Variants in E2F6 observed in about 807,000 individuals in gnomAD.
E2F6 encodes the protein E2F transcription factor 6.
E2F6 carries 19 observed loss-of-function variants against 31.5 expected under a neutral mutation model. The observed-to-expected ratio is 0.60, with a 90% CI of 0.42 to 0.89. The LOEUF is 0.89. E2F6 is among the 40% of genes least tolerant of loss of function. E2F6 has a pLI of 0.00. For synonymous variants in E2F6, 121 were observed against 127.7 expected, an observed-to-expected ratio of 0.95 and a Z score of 0.36; for missense variants, 269 against 341.6, an observed-to-expected ratio of 0.79 and a Z score of 1.67.
chr2:11,447,069 C>T (rs1242675916), intron 6 of E2F6, among the ~76,000 whole-genome samples: 2 of 152,174 alleles, frequency 1.3e-5, no homozygotes, highest in Non-Finnish European at 2.9e-5. Flanking sequence ...GATGCTGGTC[C>T]CCTGCTCAGG....
chr2:11,463,589 A>G (rs960078278), intron 1 of E2F6, among the ~76,000 whole-genome samples: 1 of 152,198 alleles, frequency 6.6e-6, no homozygotes, highest in Non-Finnish European at 1.5e-5. Context: ...TGGTAACAGA[A>G]GTCATGGGAG....
chr2:11,464,517 C>CAAAA lies in E2F6; in HGVS notation c.108+1251_108+1254dup, dbSNP rs559562627. 4.0e-3 allele frequency among the ~76,000 whole-genome samples: 178 copies of CAAAA among 44,656 alleles called. 15 individuals carry two copies. The highest frequency in any genetic ancestry group is 0.017 in the African/African-American group (165 of 9,992). The allele number at this position is 44,656 out of a possible 152,430, so 29.3% of individuals were successfully genotyped here. On this transcript the variant is annotated intron_variant, in intron 1 of 6. Transcript: ENST00000381525. ...GGGTGACAGAGCAAGACTTCGTCAC[C>CAAAA]AAAAAAAAAAAAAAAAAAAAAAAGT...
Position 11,466,092 on chromosome 2 carries a change from GAAA to G in E2F6, c.-216_-214del. The G allele has an allele frequency of 2.0e-6, 1 of 510,708 alleles. No homozygotes were observed. Among genetic ancestry groups the G allele is most frequent in the Non-Finnish European group, 3.4e-6 (1 of 292,920 alleles). 31.6% of individuals were successfully genotyped at this position (510,708 alleles called of 1,614,324 possible). A position where few individuals can be genotyped will look rare whatever the true frequency, so the allele number is the denominator to read the frequency against. On this transcript the variant is annotated 5_prime_UTR_variant, in exon 1 of 7. Coordinates refer to ENST00000381525, the MANE Select transcript of E2F6 (RefSeq NM_198256.4). ...TGCCCGGGAGCTCCCGACGCAGACGGAAAAAGAGGAGGGAGACCCGCGGATCTC... is the reference window on the plus strand; with the variant it reads ...TGCCCGGGAGCTCCCGACGCAGACGGAAGAGGAGGGAGACCCGCGGATCTC...
At position 11,453,565 on chromosome 2, in the gene E2F6, G is replaced by A. The variant is rs779628003; in HGVS notation, c.380+17C>T. The A allele has an allele frequency of 1.3e-5, 21 of 1,611,484 alleles. No individual in the cohort carries two copies. Among genetic ancestry groups the A allele is most frequent in the Middle Eastern group, 3.5e-4 (2 of 5,700 alleles). On this transcript the variant is annotated intron_variant, in intron 3 of 6. Coordinates refer to ENST00000381525, the MANE Select transcript of E2F6 (RefSeq NM_198256.4). ...GAGAAGGAACAAAAGCCACGAAAAA[G>A]TTTGAAAGCAACTCACATCCATCTA...
intron 1 of E2F6, among the ~76,000 whole-genome samples, chr2:11,460,007 GCT>G (rs1671674054): frequency 6.6e-6 from 1 of 152,174 alleles, no homozygotes; most frequent in Admixed American, 6.5e-5. Context: ...AGAGTATACA[GCT>G]CTCTAGGAAC....
intron 2 of E2F6, 95 bp from the exon 3 acceptor site, chr2:11,453,893 C>A: frequency 9.1e-7 from 1 of 1,102,190 alleles, no homozygotes; most frequent in Non-Finnish European, 1.3e-6. Flanking sequence ...AGATAGCAGA[C>A]ATCTACAGAA....
chr2:11,459,854 A>G (rs1671658274), intron 1 of E2F6, among the ~76,000 whole-genome samples: 1 of 151,976 alleles, frequency 6.6e-6, no homozygotes, highest in Admixed American at 6.6e-5. Context: ...ATTGCACTCC[A>G]GCCCAGATGA....
intron 1 of E2F6, among the ~76,000 whole-genome samples, chr2:11,461,497 G>T (rs763608291): frequency 6.6e-6 from 1 of 151,900 alleles, no homozygotes; most frequent in Non-Finnish European, 1.5e-5. Context: ...GATTACAGGC[G>T]CACGTCACCA....
intron 1 of E2F6, chr2:11,458,322 C>T (rs1349264782): frequency 6.4e-7 from 1 of 1,551,704 alleles, no homozygotes. Context: ...TGAGCCTAGC[C>T]CAGCAAGCCA....
chr2:11,463,930 CAG>C (rs1491328574), intron 1 of E2F6, among the ~76,000 whole-genome samples: 2 of 117,470 alleles, frequency 1.7e-5, no homozygotes, highest in African/African-American at 3.1e-5. Context: ...GCCAGGGTGA[CAG>C]AGTGAGATCC....
chr2:11,454,573 A>T (rs1466472858), intron 2 of E2F6, among the ~76,000 whole-genome samples: 1 of 151,956 alleles, frequency 6.6e-6, no homozygotes, highest in Non-Finnish European at 1.5e-5. Context: ...TCTTGAATTC[A>T]TTCCTGACCC....
chr2:11,445,830 C>T lies in E2F6; in HGVS notation c.*647G>A, dbSNP rs1670680284. ...AATCCACAAACATAAATGTGTAGCA[C>T]ATTTATGATACTTCTACATGTAGAA... On this transcript the variant is annotated 3_prime_UTR_variant, in exon 7 of 7. Transcript: ENST00000381525. 6.6e-6 allele frequency: 1 copy of T among 150,864 alleles called. No individual in the cohort carries two copies. The highest frequency in any genetic ancestry group is 1.5e-5 in the Non-Finnish European group (1 of 67,830). The allele number at this position is 150,864 out of a possible 1,614,324, so 9.3% of individuals were successfully genotyped here. A position where few individuals can be genotyped will look rare whatever the true frequency, so the allele number is the denominator to read the frequency against.
At chr2:11,456,769 T>C (rs1671430184) in intron 2 of E2F6, among the ~76,000 whole-genome samples, 2 of 152,150 alleles carry the variant, frequency 1.3e-5, no homozygotes, top group African/African-American at 4.8e-5. Flanking sequence ...CACTGACTTA[T>C]CGATGCACTA....
chr2:11,446,567 C>G lies in E2F6; in HGVS notation c.800-44G>C, dbSNP rs566983632. 19 of 1,545,122 alleles carry G rather than the reference C, an allele frequency of 1.2e-5. No homozygotes were observed. The South Asian group carries it at 1.9e-4, about 16-fold the overall frequency. The stretch of plus-strand genomic sequence containing the variant: ...GAGAAATACACCTAAGTGAATACAC[C>G]TAAGTGAAGGTCTGATAGGCAAATA... On this transcript the variant is annotated intron_variant, in intron 6 of 6. Coordinates refer to ENST00000381525, the MANE Select transcript of E2F6 (RefSeq NM_198256.4).
At chr2:11,453,561 A>G (rs779240762) in intron 3 of E2F6, 21 bp downstream of exon 3, 1 of 1,611,314 alleles carries the variant, frequency 6.2e-7, no homozygotes, top group Middle Eastern at 1.8e-4. Context: ...AAAGCCACGA[A>G]AAAGTTTGAA....
intron 1 of E2F6, among the ~76,000 whole-genome samples, chr2:11,464,394 G>A (rs1438894299): frequency 1.3e-5 from 2 of 151,770 alleles, no homozygotes; most frequent in African/African-American, 4.8e-5. Flanking sequence ...GCGGGTGCCT[G>A]TAGTCCCAGC....
At chr2:11,464,500 G>T (rs889099987) in intron 1 of E2F6, among the ~76,000 whole-genome samples, 1 of 126,614 alleles carries the variant, frequency 7.9e-6, no homozygotes, top group Admixed American at 9.1e-5. Context: ...CTGGGTGACA[G>T]AGCAAGACTT....
intron 6 of E2F6, among the ~76,000 whole-genome samples, chr2:11,446,812 C>T (rs576745252): frequency 5.6e-4 from 85 of 152,304 alleles, no homozygotes; most frequent in African/African-American, 1.9e-3. Flanking sequence ...CTCCCCCAGT[C>T]TTCGTAATCC....
At chr2:11,456,450 G>A (rs555872064) in intron 2 of E2F6, among the ~76,000 whole-genome samples, 112 of 152,270 alleles carry the variant, frequency 7.4e-4, no homozygotes, top group Admixed American at 1.2e-3. Flanking sequence ...GGGCTCTTGC[G>A]TCAGAGAGGT....
Sources: allele counts gnomAD v4.1 joint callset (sites outside exome capture counted in the v4.1 genomes callset), GRCh38; gene constraint gnomAD v4.1.1; transcripts MANE v1.5; gene names NCBI Gene and HGNC (gene_info 2026-07-23, HGNC 2026-07-21).